The following CUX2 variants were observed in gnomAD, a reference collection of about 807,000 sequenced individuals.
CUX2 encodes homeobox protein cut-like 2.
CUX2 carries 40 observed loss-of-function variants against 144.8 expected under a neutral mutation model. The observed-to-expected ratio is 0.28, with a 90% confidence interval of 0.21 to 0.36. The LOEUF (loss-of-function observed/expected upper bound fraction) is 0.36. CUX2 is among the 10% of genes least tolerant of loss of function. The probability of loss-of-function intolerance (pLI) is 1.00; values close to 1 mark genes in which losing one functional copy is unlikely to be tolerated. For synonymous variants in CUX2, 827 were observed against 875.6 expected, an observed-to-expected ratio of 0.94 and a Z score of 0.98; for missense variants, 1,615 against 1,994.0, an observed-to-expected ratio of 0.81 and a Z score of 3.62.
At chr12:111,345,708 C>A (rs530189844) in intron 21 of CUX2, among the ~76,000 whole-genome samples, 1 of 136,742 alleles carries the variant, frequency 7.3e-6, no homozygotes, top group African/African-American at 2.8e-5. Flanking sequence ...TGCACTCCAG[C>A]GTGGGTGACA....
chr12:111,315,028 A>G (rs1010596561), intron 16 of CUX2, among the ~76,000 whole-genome samples: 3 of 152,140 alleles, frequency 2.0e-5, no homozygotes, highest in African/African-American at 7.2e-5. Context: ...AATGTCAAAG[A>G]CAGCATCGCA....
intron 1 of CUX2, among the ~76,000 whole-genome samples, chr12:111,044,592 C>G (rs1414147916): frequency 6.6e-6 from 1 of 152,202 alleles, no homozygotes; most frequent in Non-Finnish European, 1.5e-5. Context: ...CAAATCAGCT[C>G]CCCTCTCCTC....
intron 18 of CUX2, among the ~76,000 whole-genome samples, chr12:111,329,630 T>G (rs1159962589): frequency 6.6e-6 from 1 of 152,018 alleles, no homozygotes; most frequent in Non-Finnish European, 1.5e-5. Context: ...GTTTTTTGTG[T>G]TTTTTGTTTG....
At chr12:111,177,588 A>G (rs1808288341) in intron 1 of CUX2, among the ~76,000 whole-genome samples, 1 of 152,164 alleles carries the variant, frequency 6.6e-6, no homozygotes, top group Non-Finnish European at 1.5e-5. Flanking sequence ...ATGGGATTTC[A>G]CTGTGTTGGC....
chr12:111,086,573 C>G (rs1024609017), intron 1 of CUX2, among the ~76,000 whole-genome samples: 26 of 152,122 alleles, frequency 1.7e-4, no homozygotes, highest in African/African-American at 6.3e-4. Context: ...TGGGTGCAGA[C>G]AGGGAGAGGA....
chr12:111,145,287 C>T (rs1475913069), intron 1 of CUX2, among the ~76,000 whole-genome samples: 1 of 152,186 alleles, frequency 6.6e-6, no homozygotes, highest in Non-Finnish European at 1.5e-5. Context: ...GCCCTAGCAC[C>T]TTCTGAGGTT....
In CUX2 at chr12:111,242,992, T is replaced by C. The variant is rs564227452; in HGVS notation, c.223-20769T>C. The stretch of plus-strand genomic sequence containing the variant: ...CCCTGTGTTAGTTTGCTGAATATGA[T>C]GGTTTCCAGTTTCATCCATGTCCCT... On this transcript the variant is annotated intron_variant, in intron 3 of 21. Transcript: ENST00000261726. Among the ~76,000 whole-genome samples, 27 of 152,332 alleles carry C rather than the reference T, an allele frequency of 1.8e-4. No individual in the cohort carries two copies. The South Asian group carries it at 4.8e-3, about 27-fold the overall frequency.
intron 10 of CUX2, among the ~76,000 whole-genome samples, chr12:111,305,511 T>C (rs1235174765): frequency 6.6e-6 from 1 of 152,138 alleles, no homozygotes; most frequent in African/African-American, 2.4e-5. Flanking sequence ...TCTGTACAAT[T>C]AACATCTACT....
At chr12:111,150,575 A>T (rs1876974634) in intron 1 of CUX2, among the ~76,000 whole-genome samples, 1 of 152,206 alleles carries the variant, frequency 6.6e-6, no homozygotes, top group South Asian at 2.1e-4. Flanking sequence ...GTGGACAGGA[A>T]GGCAGTTAGG....
intron 1 of CUX2, among the ~76,000 whole-genome samples, chr12:111,158,844 A>G (rs1266259298): frequency 2.6e-5 from 4 of 152,056 alleles, no homozygotes; most frequent in Non-Finnish European, 2.9e-5. Context: ...TCTAGAAAAA[A>G]GCTGTCAAAT....
intron 1 of CUX2, among the ~76,000 whole-genome samples, chr12:111,126,328 C>CA: frequency 6.6e-6 from 1 of 152,190 alleles, no homozygotes; most frequent in Middle Eastern, 3.4e-3. Context: ...AGTCTGGTCT[C>CA]AAACTCCTGA....
intron 3 of CUX2, among the ~76,000 whole-genome samples, chr12:111,234,274 A>G (rs185701824): frequency 9.3e-4 from 142 of 152,326 alleles, no homozygotes; most frequent in African/African-American, 3.3e-3. Context: ...GTGAATGGGA[A>G]TGAAACCCAA....
chr12:111,294,728 C>T (rs1885880122), intron 6 of CUX2, among the ~76,000 whole-genome samples: 1 of 151,950 alleles, frequency 6.6e-6, no homozygotes, highest in Non-Finnish European at 1.5e-5. Context: ...GAAACCCTGT[C>T]TCTACTAAAA....
intron 1 of CUX2, among the ~76,000 whole-genome samples, chr12:111,164,487 A>G (rs1423932478): frequency 6.6e-6 from 1 of 152,064 alleles, no homozygotes; most frequent in African/African-American, 2.4e-5. Flanking sequence ...GAGGCAGGAG[A>G]ATCACTTGAA....
At chr12:111,052,554 T>G (rs1870326582) in intron 1 of CUX2, among the ~76,000 whole-genome samples, 1 of 152,184 alleles carries the variant, frequency 6.6e-6, no homozygotes, top group African/African-American at 2.4e-5. Flanking sequence ...AGTGTGTTTG[T>G]GGGTCTTTTA....
chr12:111,055,687 C>T (rs1174749809), intron 1 of CUX2, among the ~76,000 whole-genome samples: 4 of 152,200 alleles, frequency 2.6e-5, no homozygotes, highest in South Asian at 2.1e-4. Context: ...CCCCAGCCCC[C>T]GGAGCTTGCC....
intron 1 of CUX2, among the ~76,000 whole-genome samples, chr12:111,148,236 G>A (rs777645481): frequency 1.8e-4 from 28 of 152,142 alleles, no homozygotes; most frequent in Non-Finnish European, 3.1e-4. Flanking sequence ...CAACACGGAT[G>A]AACCTTGAAG....
In CUX2 at chr12:111,319,944, T is replaced by A. The variant is rs551640921; in HGVS notation, c.2003-68T>A. The A allele has an allele frequency of 1.3e-5, 18 of 1,407,876 alleles. No individual in the cohort carries two copies. The African/African-American group carries it at 2.7e-4, about 21-fold the overall frequency. 87.2% of individuals were successfully genotyped at this position (1,407,876 alleles called of 1,614,324 possible). ...CGTGCTGGCATCAACAGGGATGCTG[T>A]GAACATCGTCCCCTGCATGCCGAGC... On this transcript the variant is annotated intron_variant, in intron 16 of 21. Transcript: ENST00000261726.
chr12:111,092,352 A>G (rs186843493), intron 1 of CUX2, among the ~76,000 whole-genome samples: 2 of 152,366 alleles, frequency 1.3e-5, no homozygotes, highest in East Asian at 3.9e-4. Flanking sequence ...GGAGGAGCAG[A>G]GTCTTCTGAG....
Sources: allele counts gnomAD v4.1 joint callset (sites outside exome capture counted in the v4.1 genomes callset), GRCh38; gene constraint gnomAD v4.1.1; transcripts MANE v1.5; gene names NCBI Gene and HGNC (gene_info 2026-07-23, HGNC 2026-07-21).